The following DYNC2H1 variants were observed in gnomAD, a reference collection of about 807,000 sequenced individuals.
The protein encoded by DYNC2H1 is cytoplasmic dynein 2 heavy chain 1.
A neutral mutation model predicts 570.0 loss-of-function variants in DYNC2H1; 410 were observed. The ratio of observed to expected loss-of-function variants is 0.72; its 90% confidence interval spans 0.66 to 0.78. DYNC2H1 has a LOEUF of 0.78. Ranked by LOEUF, DYNC2H1 falls within the 30% of genes least tolerant of loss-of-function variation. The pLI is 0.00. For synonymous variants in DYNC2H1, 1,688 were observed against 1,677.6 expected (o/e 1.01, Z -0.15); for missense variants, 4,865 against 5,046.4 (o/e 0.96, Z 1.09).
chr11:103,161,502 T>C (rs763361907), intron 29 of DYNC2H1, among the ~76,000 whole-genome samples: 2 of 152,132 alleles, frequency 1.3e-5, no homozygotes, highest in Non-Finnish European at 2.9e-5. Context: ...AAATCCAAAA[T>C]GCTCCAATAA....
chr11:103,151,390 A>C lies in DYNC2H1; in HGVS notation c.2947-746A>C, dbSNP rs1454882541. Among the ~76,000 whole-genome samples, 1 of 152,142 alleles carries C rather than the reference A, an allele frequency of 6.6e-6. No homozygotes were observed. The highest frequency in any genetic ancestry group is 1.5e-5 in the Non-Finnish European group (1 of 68,030). On this transcript the variant is annotated intron_variant, in intron 20 of 88. Coordinates refer to ENST00000375735, the MANE Select transcript of DYNC2H1 (RefSeq NM_001377.3). The surrounding 1 kb of genome is among the most constrained non-coding windows in gnomAD (Gnocchi z 4.6). ...GTGAGCTGCCAGGCCTGCCCAATTC[A>C]GTTATATTTGAATTTCCTTTGTTGT...
At chr11:103,284,203 C>T (rs1445660217) in intron 73 of DYNC2H1, among the ~76,000 whole-genome samples, 1 of 152,134 alleles carries the variant, frequency 6.6e-6, no homozygotes, top group Non-Finnish European at 1.5e-5. Flanking sequence ...CCTGATATTT[C>T]CTCTTAGTAA....
intron 70 of DYNC2H1, among the ~76,000 whole-genome samples, chr11:103,266,988 A>G (rs1321723304): frequency 1.3e-5 from 2 of 152,180 alleles, no homozygotes; most frequent in Non-Finnish European, 2.9e-5. Flanking sequence ...TCTGCTGCAC[A>G]TACTCCGGTA....
At chr11:103,195,072 C>A (rs931428819) in intron 47 of DYNC2H1, among the ~76,000 whole-genome samples, 1 of 152,130 alleles carries the variant, frequency 6.6e-6, no homozygotes, top group African/African-American at 2.4e-5. Context: ...GATACCAATC[C>A]TTTGTTGGAT....
intron 50 of DYNC2H1, 124 bp downstream of exon 50, chr11:103,200,278 C>G: frequency 3.0e-6 from 2 of 673,154 alleles, no homozygotes; most frequent in Non-Finnish European, 5.0e-6. Flanking sequence ...ACTTAGGAGA[C>G]ATGGTGTTAA....
chr11:103,372,929 G>T (rs914811568), intron 83 of DYNC2H1, among the ~76,000 whole-genome samples: 2 of 151,974 alleles, frequency 1.3e-5, no homozygotes, highest in Non-Finnish European at 2.9e-5. Flanking sequence ...TTATTGGTTT[G>T]TTCAATTGTG....
chr11:103,199,649 C>T lies in DYNC2H1; in HGVS notation c.8088+173C>T, dbSNP rs1246136368. ...TTTATTTTAATTTAGATTATTTTTTCCATGATTATTAGAAAATTACATTTT... is the reference window on the plus strand; with the variant it reads ...TTTATTTTAATTTAGATTATTTTTTTCATGATTATTAGAAAATTACATTTT... On this transcript the variant is annotated intron_variant, in intron 49 of 88. Transcript: ENST00000375735. This position sits in a 1 kb window ranked among gnomAD's most constrained non-coding sequence, Gnocchi z 4.6. Among the ~76,000 whole-genome samples, 1 of 151,846 alleles carries T rather than the reference C, an allele frequency of 6.6e-6. No individual in the cohort carries two copies. Among genetic ancestry groups the T allele is most frequent in the African/African-American group, 2.4e-5 (1 of 41,334 alleles).
At chr11:103,479,004 T>A (rs1945659086) in intron 88 of DYNC2H1, 91 bp from the exon 89 acceptor site, 1 of 1,361,802 alleles carries the variant, frequency 7.3e-7, no homozygotes, top group Admixed American at 2.1e-5. Context: ...TTTCATAATA[T>A]AATATTAATA....
At position 103,289,601 on chromosome 11, in the gene DYNC2H1, ATAT is replaced by A. The variant is rs1565466996; in HGVS notation, c.11095+1999_11095+2001del. Among the ~76,000 whole-genome samples, 1 of 151,892 alleles carries A rather than the reference ATAT, an allele frequency of 6.6e-6. No homozygotes were observed. Among genetic ancestry groups the A allele is most frequent in the Non-Finnish European group, 1.5e-5 (1 of 67,970 alleles). On this transcript the variant is annotated intron_variant, in intron 75 of 88. Transcript: ENST00000375735. This position sits in a 1 kb window ranked among gnomAD's most constrained non-coding sequence, Gnocchi z 4.2. ...CATAGTGAGACCTTGTCTTTAGTAAATATTAAAAAATGAGCCAGGCACGGTGGC... is the reference window on the plus strand; with the variant it reads ...CATAGTGAGACCTTGTCTTTAGTAAATAAAAAATGAGCCAGGCACGGTGGC...
At chr11:103,269,766 T>C (rs998246208) in intron 70 of DYNC2H1, among the ~76,000 whole-genome samples, 2 of 152,342 alleles carry the variant, frequency 1.3e-5, no homozygotes, top group African/African-American at 4.8e-5. Flanking sequence ...CTAAAACTTA[T>C]GTTTATAATA....
rs1475360891 is a variant in DYNC2H1 at position 103,390,070 on chromosome 11, T to C, written c.12157-9593T>C. Among the ~76,000 whole-genome samples, 4 of 152,148 alleles carry C rather than the reference T, an allele frequency of 2.6e-5. No homozygotes were observed. In the East Asian group the frequency reaches 5.8e-4, roughly 22 times the overall value. ...ATATCCTTGCGAAATTTCTGTCTTG[T>C]GGATCTGTCTAATGTTGACAGTGGG... On this transcript the variant is annotated intron_variant, in intron 83 of 88. Coordinates refer to ENST00000375735, the MANE Select transcript of DYNC2H1 (RefSeq NM_001377.3).
intron 85 of DYNC2H1, among the ~76,000 whole-genome samples, chr11:103,437,751 T>C (rs1944113614): frequency 6.6e-6 from 1 of 152,134 alleles, no homozygotes; most frequent in Non-Finnish European, 1.5e-5. Context: ...TTCATGTACT[T>C]TTCAGTACTG....
rs1212999635 is a variant in DYNC2H1 at position 103,186,582 on chromosome 11, T to C, written c.6893+81T>C. On this transcript the variant is annotated intron_variant, in intron 42 of 88. Transcript: ENST00000375735. This position sits in a 1 kb window ranked among gnomAD's most constrained non-coding sequence, Gnocchi z 4.5. ...TTGATTTAATGGCTTTTGTTATGTT[T>C]CTTTTGGTTAAAGTAGCATTTACAT... 5.3e-6 allele frequency: 8 copies of C among 1,499,954 alleles called. No homozygotes were observed. The Admixed American group carries it at 1.8e-4, about 33-fold the overall frequency. The allele number at this position is 1,499,954 out of a possible 1,614,324, so 92.9% of individuals were successfully genotyped here.
chr11:103,337,568 A>G (rs947801748), intron 82 of DYNC2H1, among the ~76,000 whole-genome samples: 1 of 152,146 alleles, frequency 6.6e-6, no homozygotes, highest in Non-Finnish European at 1.5e-5. Context: ...TTTTGATAAA[A>G]GCTATTTTAA....
At chr11:103,263,022 C>CAAAAA (rs35912109) in intron 70 of DYNC2H1, among the ~76,000 whole-genome samples, 53 of 39,968 alleles carry the variant, frequency 1.3e-3, no homozygotes, top group African/African-American at 1.4e-3. Flanking sequence ...AAATGGAAAG[C>CAAAAA]AAAAAAAAAA....
chr11:103,187,509 G>C lies in DYNC2H1; in HGVS notation c.7063G>C (p.Val2355Leu). ...VYRPKDCERL[V>L]LYLKDINLPK... ...CAGACCAAAAGACTGTGAAAGACTTGTTCTGTACTTAAAAGATATCAACCT... is the reference window on the plus strand; with the variant it reads ...CAGACCAAAAGACTGTGAAAGACTTCTTCTGTACTTAAAAGATATCAACCT... The change falls in exon 43 of 89, where the codon GTT becomes CTT. Residue 2355 changes from valine (V) to leucine (L), a missense_variant. This residue lies in a region of DYNC2H1 where 2,401 missense variants were observed against 2,454.6 expected (regional missense o/e 0.98). Transcript: ENST00000375735. 3.1e-6 allele frequency: 5 copies of C among 1,613,326 alleles called. No homozygotes were observed. The highest frequency in any genetic ancestry group is 4.2e-6 in the Non-Finnish European group (5 of 1,179,506).
intron 83 of DYNC2H1, among the ~76,000 whole-genome samples, chr11:103,362,074 A>G (rs1199797984): frequency 6.6e-6 from 1 of 152,144 alleles, no homozygotes; most frequent in Non-Finnish European, 1.5e-5. Context: ...AAATGTGCTT[A>G]TAAAGGAGAG....
chr11:103,297,720 C>T (rs1050284225), intron 75 of DYNC2H1, among the ~76,000 whole-genome samples: 17 of 152,150 alleles, frequency 1.1e-4, no homozygotes, highest in African/African-American at 4.1e-4. Context: ...TCATGTAATT[C>T]TTTCCTCTCT....
At chr11:103,301,796 A>G (rs1347729460) in intron 75 of DYNC2H1, among the ~76,000 whole-genome samples, 1 of 151,914 alleles carries the variant, frequency 6.6e-6, no homozygotes, top group Non-Finnish European at 1.5e-5. Context: ...CACAGAGTTT[A>G]TATTTTAAAG....
Sources: allele counts gnomAD v4.1 joint callset (sites outside exome capture counted in the v4.1 genomes callset), GRCh38; gene constraint gnomAD v4.1.1; regional missense constraint gnomAD v4.1.1; non-coding constraint Gnocchi (gnomAD v3.1); transcripts MANE v1.5; gene names NCBI Gene and HGNC (gene_info 2026-07-23, HGNC 2026-07-21).